Variants in XPA observed in about 807,000 individuals in gnomAD.
XPA encodes the protein DNA repair protein complementing XP-A cells.
XPA carries 27 observed loss-of-function variants against 35.7 expected under a neutral mutation model. That is an observed-to-expected ratio of 0.76 (90% confidence interval 0.56 to 1.04). The LOEUF is 1.04. XPA is among the 50% of genes least tolerant of loss of function. The pLI, the probability that XPA is intolerant of heterozygous loss-of-function variation, is 0.00. For synonymous variants in XPA, 133 were observed against 118.4 expected, an observed-to-expected ratio of 1.12 and a Z score of -0.80; for missense variants, 354 against 342.7, an observed-to-expected ratio of 1.03 and a Z score of -0.26.
the XPA span, among the ~76,000 whole-genome samples, chr9:97,656,745 A>G: frequency 3.0e-4 from 46 of 152,284 alleles, 2 homozygotes; most frequent in South Asian, 9.5e-3. Context: ...TTCCTTTGAG[A>G]ATAAGCTGCA....
At chr9:97,668,469 A>T in the XPA span, among the ~76,000 whole-genome samples, 9 of 152,210 alleles carry the variant, frequency 5.9e-5, no homozygotes, top group African/African-American at 1.9e-4. Context: ...GCCTTGGCCC[A>T]TAGGACTTGC....
In XPA at chr9:97,689,587, A is replaced by G. The variant is rs1373475991; in HGVS notation, c.336T>C (p.Phe112=). The change falls in exon 3 of 6, where the codon TTT becomes TTC. Residue 112 remains phenylalanine (F), a synonymous_variant. Coordinates refer to ENST00000375128, the MANE Select transcript of XPA (RefSeq NM_000380.4). ...AGTGGTTCATAAGATAAGAATCCAT[A>G]AATTCTTTCCCACATTCTTCGCATA... is the stretch of plus-strand genomic sequence containing the variant. The part of the protein sequence containing the change: ...YVICEECGKE[F]MDSYLMNHFD... The G allele has an allele frequency of 9.9e-6, 16 of 1,613,196 alleles. No homozygotes were observed. The highest frequency in any genetic ancestry group is 1.4e-5 in the Non-Finnish European group (16 of 1,179,466).
chr9:97,685,189 T>C, intron 4 of XPA, 149 bp from the exon 5 acceptor site: 2 of 623,586 alleles, frequency 3.2e-6, no homozygotes, highest in South Asian at 4.5e-5. Context: ...ATTTTAAATA[T>C]TAATGATCAG....
intron 5 of XPA, chr9:97,682,349 G>A (rs1251081816): frequency 1.9e-6 from 1 of 518,872 alleles, no homozygotes; most frequent in East Asian, 5.4e-5. Context: ...AAACTGCACA[G>A]TAAGCTCCTT....
At chr9:97,691,127 G>T (rs528624525) in intron 2 of XPA, among the ~76,000 whole-genome samples, 271 of 152,250 alleles carry the variant, frequency 1.8e-3, no homozygotes, top group Middle Eastern at 6.8e-3. Flanking sequence ...TAAACAGCAT[G>T]GTAATAGAAG....
chr9:97,669,072 A>T, the XPA span: 36 of 1,330,138 alleles, frequency 2.7e-5, no homozygotes, highest in Non-Finnish European at 3.7e-5. Flanking sequence ...AGGAATACAC[A>T]TTCATTTATA....
chr9:97,696,766 C>G (rs3176635), intron 1 of XPA, among the ~76,000 whole-genome samples: 1 of 152,174 alleles, frequency 6.6e-6, no homozygotes, highest in Non-Finnish European at 1.5e-5. Context: ...TCTAACTCCT[C>G]TTTCCGGGAC....
chr9:97,664,431 G>A, the XPA span: 23 of 1,602,756 alleles, frequency 1.4e-5, no homozygotes, highest in Admixed American at 3.3e-5. Context: ...GAACTATCTC[G>A]TGACTTTACC....
In XPA at chr9:97,674,939, G is replaced by A. The variant is rs921329603; in HGVS notation, c.*500C>T. 5.0e-5 allele frequency: 26 copies of A among 515,190 alleles called. No homozygotes were observed. The highest frequency in any genetic ancestry group is 1.1e-4 in the Admixed American group (5 of 44,356). 31.9% of individuals were successfully genotyped at this position (515,190 alleles called of 1,614,324 possible). On this transcript the variant is annotated 3_prime_UTR_variant, in exon 6 of 6. Transcript: ENST00000375128. ...CTCGTACAACTCAATGTTTATTTCT[G>A]CTATTAGGGCTTTTTCCAGCAGTAG...
chr9:97,667,825 G>A, the XPA span, among the ~76,000 whole-genome samples: 3 of 152,150 alleles, frequency 2.0e-5, no homozygotes, highest in Admixed American at 6.5e-5. Flanking sequence ...GGTTGCGGTC[G>A]TAACAGGCTG....
At chr9:97,671,103 G>A, downstream of XPA, 2 of 1,611,008 alleles carry the variant, frequency 1.2e-6, no homozygotes, top group Non-Finnish European at 1.7e-6. Context: ...AAATAATCCA[G>A]CAGTACATGG....
chr9:97,676,296 T>C (rs1466381221), intron 5 of XPA, among the ~76,000 whole-genome samples: 2 of 152,254 alleles, frequency 1.3e-5, no homozygotes, highest in African/African-American at 4.8e-5. Context: ...ACTGGTCATA[T>C]TCTAATGTTT....
In XPA at chr9:97,675,442, C is replaced by T. The variant is rs1828326712; in HGVS notation, c.819G>A (p.Met273Ile). 6.2e-7 allele frequency: 1 copy of T among 1,612,772 alleles called. No homozygotes were observed. The highest frequency in any genetic ancestry group is 8.5e-7 in the Non-Finnish European group (1 of 1,179,620). Reference protein sequence around the residue: ...MCGHELTYEKM With the variant: ...MCGHELTYEKI ...AACAGGTCACTGAACTAAAAAATCA[C>T]ATTTTTTCATATGTCAGTTCATGGC... Residue 273 changes from methionine (M) to isoleucine (I), a missense_variant, in exon 6 of 6, where the codon ATG becomes ATA. Met to Ile is a conservative substitution (Grantham distance 10). Coordinates refer to ENST00000375128, the MANE Select transcript of XPA (RefSeq NM_000380.4).
downstream of XPA, chr9:97,672,363 A>T (rs1462129722): frequency 1.3e-5 from 2 of 152,152 alleles, no homozygotes; most frequent in African/African-American, 4.8e-5. Context: ...GCATATTTTG[A>T]TATATTTTTG....
At chr9:97,655,403 T>C in the XPA span, among the ~76,000 whole-genome samples, 6 of 152,116 alleles carry the variant, frequency 3.9e-5, no homozygotes, top group Admixed American at 6.6e-5. Flanking sequence ...AATTTTTTTT[T>C]TTCTTGCTTC....
intron 3 of XPA, among the ~76,000 whole-genome samples, chr9:97,688,769 A>G (rs1482052947): frequency 1.3e-5 from 2 of 152,172 alleles, no homozygotes; most frequent in African/African-American, 4.8e-5. Flanking sequence ...CTGCTCAGCA[A>G]CAAGCCAATC....
At chr9:97,669,911 C>T, downstream of XPA, 1 of 624,656 alleles carries the variant, frequency 1.6e-6, no homozygotes, top group Non-Finnish European at 2.9e-6. Flanking sequence ...TTGCCACCCC[C>T]CCAACAACCC....
downstream of XPA, chr9:97,670,981 T>C (rs544334065): frequency 4.1e-5 from 26 of 637,418 alleles, no homozygotes; most frequent in East Asian, 7.3e-4. Context: ...TTCCCCTTCC[T>C]CTTTTCATCA....
intron 1 of XPA, among the ~76,000 whole-genome samples, chr9:97,694,615 C>T (rs1828988137): frequency 6.6e-6 from 1 of 152,104 alleles, no homozygotes; most frequent in Non-Finnish European, 1.5e-5. Context: ...ACTGACAATA[C>T]CAAGTGTGAG....
Sources: allele counts gnomAD v4.1 joint callset (sites outside exome capture counted in the v4.1 genomes callset), GRCh38; gene constraint gnomAD v4.1.1; transcripts MANE v1.5; gene names NCBI Gene and HGNC (gene_info 2026-07-23, HGNC 2026-07-21).